The following PMF1 variants were observed in gnomAD, a reference collection of about 807,000 sequenced individuals.
PMF1 encodes polyamine-modulated factor 1.
Under a neutral mutation model 26.7 loss-of-function variants are expected in PMF1, and 21 were observed. The ratio of observed to expected loss-of-function variants is 0.79; its 90% CI spans 0.56 to 1.13. The LOEUF (loss-of-function observed/expected upper bound fraction) is 1.13, where lower values mean the gene tolerates loss of function less well. Ranked by LOEUF, PMF1 falls within the 50% of genes most tolerant of loss-of-function variation. The pLI, the probability that PMF1 is intolerant of heterozygous loss-of-function variation, is 0.00. For missense variants in PMF1, 266 were observed against 254.9 expected (o/e 1.04, Z -0.30); for synonymous variants, 105 against 101.0 (o/e 1.04, Z -0.24).
chr1:156,238,485 C>T lies in PMF1; in HGVS notation c.565-1063C>T, dbSNP rs527274900. On this transcript the variant is annotated intron_variant, in intron 4 of 4. Coordinates refer to ENST00000368277, the MANE Select transcript of PMF1 (RefSeq NM_007221.4). ...CTGCACCACAATGAGACAGATTTTC[C>T]TATGGGCTCAAAGTGCATTTCCAAG... Among the ~76,000 whole-genome samples the T allele has an allele frequency of 2.0e-5, 3 of 152,344 alleles. No homozygotes were observed. The South Asian group carries it at 6.2e-4, about 32-fold the overall frequency.
chr1:156,220,635 T>C (rs1327128402), intron 1 of PMF1: 1 of 152,152 alleles, frequency 6.6e-6, no homozygotes, highest in Admixed American at 6.6e-5. Flanking sequence ...TGTATGTGTG[T>C]GTGTGTGTGT....
intron 1 of PMF1, chr1:156,225,517 TCTGTTTGTTTTGTTCTCAGC>T (rs754399058): frequency 5.8e-5 from 72 of 1,241,588 alleles, no homozygotes; most frequent in South Asian, 4.2e-4. Context: ...ATCCCCAGCT[TCTGTTTGTTTTGTTCTCAGC>T]CTGTTTGTTT....
intron 4 of PMF1, among the ~76,000 whole-genome samples, chr1:156,237,970 G>A (rs1431955416): frequency 6.6e-6 from 1 of 152,160 alleles, no homozygotes; most frequent in Non-Finnish European, 1.5e-5. Flanking sequence ...GTTTCACCAT[G>A]TTGGCCAGGC....
At chr1:156,229,281 G>C (rs1442500315) in intron 1 of PMF1, among the ~76,000 whole-genome samples, 1 of 152,008 alleles carries the variant, frequency 6.6e-6, no homozygotes, top group Admixed American at 6.6e-5. Flanking sequence ...CACTGAAAAG[G>C]TGAGAGACCG....
chr1:156,213,657 C>T (rs931425632), intron 1 of PMF1, among the ~76,000 whole-genome samples: 2 of 151,862 alleles, frequency 1.3e-5, no homozygotes, highest in Admixed American at 6.6e-5. Context: ...TCGCGGCCCA[C>T]CACTATGTGA....
chr1:156,236,026 G>T (rs536830197), intron 3 of PMF1, among the ~76,000 whole-genome samples: 2 of 152,312 alleles, frequency 1.3e-5, no homozygotes, highest in African/African-American at 4.8e-5. Flanking sequence ...GGAATGTGGG[G>T]TATGGTCGGG....
intron 3 of PMF1, 25 bp from the exon 4 acceptor site, chr1:156,236,263 C>A (rs767110618): frequency 4.4e-6 from 7 of 1,591,120 alleles, no homozygotes; most frequent in Non-Finnish European, 6.0e-6. Flanking sequence ...CTCCTTCATT[C>A]CTTGTGCCCC....
chr1:156,223,707 C>T, intron 1 of PMF1: 1 of 152,384 alleles, frequency 6.6e-6, no homozygotes, highest in Non-Finnish European at 1.5e-5. Context: ...CGCCCTTCAG[C>T]TACACTGCCT....
chr1:156,217,727 CAAA>C (rs10659605), intron 1 of PMF1, among the ~76,000 whole-genome samples: 1 of 83,342 alleles, frequency 1.2e-5, no homozygotes. Flanking sequence ...GTCTCCAACT[CAAA>C]AAAAAAAAAA....
rs772704890 is a variant in PMF1, at chr1:156,233,731, G to A, written c.368+3G>A. 3.1e-6 allele frequency: 5 copies of A among 1,612,312 alleles called. No individual in the cohort carries two copies. Among genetic ancestry groups the A allele is most frequent in the Middle Eastern group, 1.6e-4 (1 of 6,082 alleles). ...AAAGTCCGCAAAGAGCCAGCCTGGT[G>A]AGAGTGGGGTGGGGAGGTGAGAAGG... On this transcript the variant is annotated splice_donor_region_variant and intron_variant, in intron 3 of 4. Coordinates refer to ENST00000368277, the MANE Select transcript of PMF1 (RefSeq NM_007221.4).
chr1:156,216,626 G>A (rs1377378627), intron 1 of PMF1, among the ~76,000 whole-genome samples: 2 of 151,734 alleles, frequency 1.3e-5, no homozygotes, highest in Non-Finnish European at 2.9e-5. Flanking sequence ...GCCCGGGTCC[G>A]GGTCTCTGAC....
intron 2 of PMF1, among the ~76,000 whole-genome samples, chr1:156,232,806 C>T (rs1289355805): frequency 3.9e-5 from 6 of 151,964 alleles, no homozygotes; most frequent in Admixed American, 3.9e-4. Flanking sequence ...GCGATCCTCC[C>T]ACCTTGGCTT....
intron 2 of PMF1, among the ~76,000 whole-genome samples, chr1:156,233,115 T>G (rs1199215841): frequency 1.3e-5 from 2 of 151,904 alleles, no homozygotes; most frequent in African/African-American, 4.8e-5. Context: ...AATAAATAAA[T>G]AAAACATTTT....
chr1:156,226,760 G>A (rs1281853926), intron 1 of PMF1, among the ~76,000 whole-genome samples: 1 of 152,258 alleles, frequency 6.6e-6, no homozygotes, highest in African/African-American at 2.4e-5. Context: ...GTAGTCTGAG[G>A]TCACTAGTTG....
chr1:156,237,802 G>A (rs898785995), intron 4 of PMF1, among the ~76,000 whole-genome samples: 1 of 152,042 alleles, frequency 6.6e-6, no homozygotes, highest in Admixed American at 6.6e-5. Flanking sequence ...TGTTGCCCAG[G>A]CTGGAGTGCA....
intron 1 of PMF1, among the ~76,000 whole-genome samples, chr1:156,214,875 A>T (rs1330589293): frequency 2.4e-3 from 362 of 149,386 alleles, no homozygotes; most frequent in African/African-American, 8.3e-3. Flanking sequence ...TATTATTATT[A>T]TTATTATTAT....
chr1:156,236,369 C>T lies in PMF1; in HGVS notation c.450C>T (p.Arg150=). The stretch of plus-strand genomic sequence containing the variant: ...TGCAGCAACGGGACACCCTGCGGCG[C>T]CATGTGCAGAAACAGGAGGCCGAGA... ...YFLQQRDTLR[R]HVQKQEAENQ... The change falls in exon 4 of 5, where the codon CGC becomes CGT. Residue 150 remains arginine (R), a synonymous_variant. Transcript: ENST00000368277. 1 of 1,614,230 alleles carries T rather than the reference C, an allele frequency of 6.2e-7. No individual in the cohort carries two copies. Among genetic ancestry groups the T allele is most frequent in the Non-Finnish European group, 8.5e-7 (1 of 1,180,038 alleles).
In PMF1 at chr1:156,225,713, C is replaced by T; in HGVS notation, c.162-6607C>T. 7 of 927,040 alleles carry T rather than the reference C, an allele frequency of 7.6e-6. 1 individual carries two copies. Among genetic ancestry groups the T allele is most frequent in the South Asian group, 7.4e-5 (5 of 67,498 alleles). The allele number at this position is 927,040 out of a possible 1,614,324, so 57.4% of individuals were successfully genotyped here. On this transcript the variant is annotated intron_variant, in intron 1 of 4. Transcript: ENST00000368277. ...TTGGCTCCCTTAGCACTGTGTACAC[C>T]GTGATATTGTGTTACCCTCTTTTAT...
Position 156,239,550 on chromosome 1 carries a change from T to C in PMF1, c.567T>C (p.Ala189=). 1 of 1,613,008 alleles carries C rather than the reference T, an allele frequency of 6.2e-7. No individual in the cohort carries two copies. Residue 189 remains alanine (A), a splice_region_variant and synonymous_variant, in exon 5 of 5, where the codon GCT becomes GCC. Coordinates refer to ENST00000368277, the MANE Select transcript of PMF1 (RefSeq NM_007221.4). ...CTGTTGTCTCCCATTGATTTCAGGCTCTACACAGAGAACAGAGGGAGCTGG... is the reference window on the plus strand; with the variant it reads ...CTGTTGTCTCCCATTGATTTCAGGCCCTACACAGAGAACAGAGGGAGCTGG... ...QVQAQQQAWQ[A]LHREQRELVA... is the part of the protein sequence containing the mutation.
Sources: allele counts gnomAD v4.1 joint callset (sites outside exome capture counted in the v4.1 genomes callset), GRCh38; gene constraint gnomAD v4.1.1; transcripts MANE v1.5; gene names NCBI Gene and HGNC (gene_info 2026-07-23, HGNC 2026-07-21).